ARMH4: variants seen among roughly 807,000 people sequenced by gnomAD.
ARMH4 encodes armadillo like helical domain containing 4, also known as armadillo-like helical domain-containing protein 4.
A neutral mutation model predicts 61.9 loss-of-function variants in ARMH4; 49 were observed. That is an observed-to-expected ratio of 0.79 (90% CI 0.63 to 1.00). ARMH4 has a LOEUF of 1.00. ARMH4 is among the 50% of genes least tolerant of loss of function. The pLI, the probability that ARMH4 is intolerant of heterozygous loss-of-function variation, is 0.00. For synonymous variants in ARMH4, 368 were observed against 341.5 expected, an observed-to-expected ratio of 1.08 and a Z score of -0.85; for missense variants, 934 against 930.0, an observed-to-expected ratio of 1.00 and a Z score of -0.06.
At chr14:58,082,649 C>A (rs1885263874) in intron 5 of ARMH4, among the ~76,000 whole-genome samples, 2 of 152,190 alleles carry the variant, frequency 1.3e-5, no homozygotes, top group South Asian at 4.1e-4. Flanking sequence ...GCATATTTCA[C>A]ATCCTGCCTC....
intron 5 of ARMH4, among the ~76,000 whole-genome samples, chr14:58,095,755 TCCAGAGCAAAGGC>T (rs1422397906): frequency 2.0e-5 from 3 of 152,114 alleles, no homozygotes; most frequent in Non-Finnish European, 4.4e-5. Flanking sequence ...CAGAATTACA[TCCAGAGCAAAGGC>T]CCAGACCAAC....
intron 5 of ARMH4, among the ~76,000 whole-genome samples, chr14:58,087,322 G>A (rs538018993): frequency 1.3e-5 from 2 of 152,200 alleles, no homozygotes; most frequent in South Asian, 4.1e-4. Flanking sequence ...TGGTCCAAAG[G>A]TTGTTATTTT....
At chr14:58,030,537 TATTCATAATGTC>T (rs1166442771) in intron 5 of ARMH4, among the ~76,000 whole-genome samples, 1 of 152,246 alleles carries the variant, frequency 6.6e-6, no homozygotes, top group East Asian at 1.9e-4. Context: ...AACTACCGTA[TATTCATAATGTC>T]ATCAGCACCA....
chr14:58,112,536 T>C lies in ARMH4; in HGVS notation c.1832-15555A>G, dbSNP rs140536406. Among the ~76,000 whole-genome samples the C allele has an allele frequency of 3.6e-3, 543 of 152,310 alleles. 3 individuals are homozygous for C. Among genetic ancestry groups the C allele is most frequent in the African/African-American group, 0.013 (524 of 41,578 alleles). On this transcript the variant is annotated intron_variant, in intron 4 of 7. Transcript: ENST00000267485. ...ACTATTTTAGCTCTGTCCTCTCTTC[T>C]TACTCCATAAATTAGAAATTATATT... is the stretch of plus-strand genomic sequence containing the variant.
intron 5 of ARMH4, among the ~76,000 whole-genome samples, chr14:58,090,363 C>T (rs1299047147): frequency 6.6e-6 from 1 of 152,098 alleles, no homozygotes; most frequent in African/African-American, 2.4e-5. Context: ...ATAGAAGAGA[C>T]ATAGATGTGT....
Position 58,004,033 on chromosome 14 carries a change from A to G in ARMH4, c.*703T>C, listed in dbSNP as rs536987138. 4.6e-5 allele frequency: 7 copies of G among 152,354 alleles called. No individual in the cohort carries two copies. Among genetic ancestry groups the G allele is most frequent in the African/African-American group, 1.4e-4 (6 of 41,588 alleles). 9.4% of individuals were successfully genotyped at this position (152,354 alleles called of 1,614,324 possible). ...TGAGTCTGTTGGACTCAATCACACT[A>G]TTTAAGACAGCAAACGTACATTAAG... On this transcript the variant is annotated 3_prime_UTR_variant, in exon 8 of 8. Coordinates refer to ENST00000267485, the MANE Select transcript of ARMH4 (RefSeq NM_001001872.4).
At chr14:58,021,014 G>C (rs1189987465) in intron 5 of ARMH4, among the ~76,000 whole-genome samples, 3 of 152,128 alleles carry the variant, frequency 2.0e-5, no homozygotes, top group Non-Finnish European at 4.4e-5. Flanking sequence ...ATGCCCGAAG[G>C]CAGAGGGAAA....
chr14:58,043,741 G>A (rs1181542999), intron 5 of ARMH4, among the ~76,000 whole-genome samples: 2 of 152,246 alleles, frequency 1.3e-5, no homozygotes, highest in Admixed American at 1.3e-4. Flanking sequence ...TAAGCTGATA[G>A]GCAACTTCAG....
At chr14:58,026,727 T>G (rs995087316) in intron 5 of ARMH4, among the ~76,000 whole-genome samples, 20 of 152,104 alleles carry the variant, frequency 1.3e-4, no homozygotes, top group African/African-American at 4.3e-4. Flanking sequence ...CTCCTCATTC[T>G]CAATTTTAGG....
rs1885087930 is a variant in ARMH4 at position 58,077,558 on chromosome 14, G to T, written c.2089+19166C>A. Among the ~76,000 whole-genome samples the T allele has an allele frequency of 2.6e-5, 4 of 152,196 alleles. No individual in the cohort carries two copies. In the South Asian group the frequency reaches 8.3e-4, roughly 32 times the overall value. Reference sequence around the variant, plus strand: ...GGAGGTCAAGGTTGTAATGAGATGTGTTTGCACCACTGCACTCCAGCCTGG... The same window carrying T: ...GGAGGTCAAGGTTGTAATGAGATGTTTTTGCACCACTGCACTCCAGCCTGG... On this transcript the variant is annotated intron_variant, in intron 5 of 7. Transcript: ENST00000267485.
At chr14:58,131,908 G>A (rs558716781) in intron 3 of ARMH4, among the ~76,000 whole-genome samples, 187 bp from the exon 4 acceptor site, 89 of 152,258 alleles carry the variant, frequency 5.8e-4, no homozygotes, top group African/African-American at 2.0e-3. Context: ...AGACTTTCAG[G>A]AAAATGTATT....
chr14:58,001,602 T>C lies in ARMH4; in HGVS notation c.*3134A>G, dbSNP rs1330961376. The stretch of plus-strand genomic sequence containing the variant: ...TTTTATTGAATAATAGCCATCCCAA[T>C]AGGTGTGAGGTGGTATCTCATTGTG... On this transcript the variant is annotated 3_prime_UTR_variant, in exon 8 of 8. Transcript: ENST00000267485. 2 of 152,120 alleles carry C rather than the reference T, an allele frequency of 1.3e-5. No individual in the cohort carries two copies. The highest frequency in any genetic ancestry group is 2.4e-5 in the African/African-American group (1 of 41,410). The allele number at this position is 152,120 out of a possible 1,614,324, so 9.4% of individuals were successfully genotyped here.
At chr14:58,141,301 C>T (rs1887541405) in intron 1 of ARMH4, 1 of 402,206 alleles carries the variant, frequency 2.5e-6, no homozygotes, top group East Asian at 6.6e-5. Context: ...TGTGAAGACC[C>T]TCACGGGCAA....
chr14:58,092,390 TGAG>T (rs1406114030), intron 5 of ARMH4, among the ~76,000 whole-genome samples: 12 of 152,256 alleles, frequency 7.9e-5, no homozygotes, highest in Non-Finnish European at 1.8e-4. Context: ...ATAGCTGCCA[TGAG>T]GCTCTGCTTT....
At chr14:58,121,467 C>T (rs187586080) in intron 4 of ARMH4, among the ~76,000 whole-genome samples, 43 of 152,262 alleles carry the variant, frequency 2.8e-4, no homozygotes, top group Non-Finnish European at 4.9e-4. Flanking sequence ...ACCAGAAAAA[C>T]GAGAGTAAAT....
intron 4 of ARMH4, among the ~76,000 whole-genome samples, chr14:58,108,852 G>A (rs1258623800): frequency 6.6e-6 from 1 of 152,156 alleles, no homozygotes; most frequent in Non-Finnish European, 1.5e-5. Context: ...TCAACCTTTG[G>A]CACTGTCAAA....
chr14:58,107,912 G>T (rs935901235), intron 4 of ARMH4, among the ~76,000 whole-genome samples: 6 of 152,102 alleles, frequency 3.9e-5, no homozygotes, highest in Admixed American at 3.9e-4. Context: ...GACACATCCC[G>T]GTGGCATCTT....
chr14:58,131,132 GA>G (rs1314561858), intron 4 of ARMH4: 2 of 183,436 alleles, frequency 1.1e-5, no homozygotes, highest in African/African-American at 4.8e-5. Flanking sequence ...GTGGGCCACT[GA>G]GTCTCTGTCA....
At chr14:58,142,056 T>A (rs1288428225) in intron 1 of ARMH4, among the ~76,000 whole-genome samples, 2 of 152,154 alleles carry the variant, frequency 1.3e-5, no homozygotes, top group Admixed American at 1.3e-4. Flanking sequence ...ATTTAAGGGT[T>A]TCAGTTCTTT....
Sources: allele counts gnomAD v4.1 joint callset (sites outside exome capture counted in the v4.1 genomes callset), GRCh38; gene constraint gnomAD v4.1.1; transcripts MANE v1.5; gene names NCBI Gene and HGNC (gene_info 2026-07-23, HGNC 2026-07-21).